TMEM248: variants seen among roughly 807,000 people sequenced by gnomAD.
TMEM248 encodes UPF0458 protein C7orf42.
A neutral mutation model predicts 30.3 loss-of-function variants in TMEM248; 9 were observed. The observed-to-expected ratio is 0.30, with a 90% CI of 0.18 to 0.52. TMEM248 has a LOEUF of 0.52. Ranked by LOEUF, TMEM248 falls within the 20% of genes least tolerant of loss-of-function variation. TMEM248 has a pLI of 0.97. For missense variants in TMEM248, 338 were observed against 403.3 expected, an observed-to-expected ratio of 0.84 and a Z score of 1.39; for synonymous variants, 184 against 154.4, an observed-to-expected ratio of 1.19 and a Z score of -1.42.
At chr7:66,923,148 C>CT (rs375289124) in intron 1 of TMEM248, among the ~76,000 whole-genome samples, 173 of 147,340 alleles carry the variant, frequency 1.2e-3, no homozygotes, top group Admixed American at 2.0e-3. Flanking sequence ...CAGAAACTAA[C>CT]TTTTTTTTTT....
intron 1 of TMEM248, among the ~76,000 whole-genome samples, chr7:66,927,624 GT>G (rs369608291): frequency 1.4e-3 from 174 of 126,252 alleles, no homozygotes; most frequent in Middle Eastern, 8.0e-3. Context: ...TTTGGGTTTT[GT>G]TTTTTTTTTT....
At chr7:66,923,062 A>G (rs1378399797) in intron 1 of TMEM248, among the ~76,000 whole-genome samples, 4 of 152,184 alleles carry the variant, frequency 2.6e-5, no homozygotes, top group African/African-American at 9.6e-5. Flanking sequence ...AGAGGAAGCA[A>G]TAGGCTAGAA....
intron 1 of TMEM248, among the ~76,000 whole-genome samples, chr7:66,931,739 A>C (rs1791671196): frequency 6.6e-6 from 1 of 150,586 alleles, no homozygotes; most frequent in African/African-American, 2.4e-5. Context: ...CAGCCTCCCA[A>C]AGTGCTGGGA....
intron 1 of TMEM248, among the ~76,000 whole-genome samples, chr7:66,934,632 A>G (rs1382933411): frequency 6.6e-6 from 1 of 152,114 alleles, no homozygotes; most frequent in Non-Finnish European, 1.5e-5. Flanking sequence ...TTCTGGTGTG[A>G]TGTGCTTTTA....
At chr7:66,930,862 C>T (rs1194105009) in intron 1 of TMEM248, 1 of 152,644 alleles carries the variant, frequency 6.6e-6, no homozygotes, top group African/African-American at 2.4e-5. Context: ...CTTTCTGCTA[C>T]ATGAAGGTGA....
chr7:66,947,743 TTTTAA>T (rs1237150026), intron 3 of TMEM248, among the ~76,000 whole-genome samples: 6 of 151,818 alleles, frequency 4.0e-5, no homozygotes, highest in African/African-American at 7.2e-5. Flanking sequence ...TAATTTTTTA[TTTTAA>T]TTTAATTTTT....
chr7:66,921,725 G>T (rs954973085), intron 1 of TMEM248: 5 of 152,294 alleles, frequency 3.3e-5, no homozygotes, highest in African/African-American at 1.2e-4. Context: ...GACTTCCCAC[G>T]TCTGGAGCCG....
chr7:66,956,542 A>G lies in TMEM248; in HGVS notation c.*1020A>G, dbSNP rs188999606. On this transcript the variant is annotated 3_prime_UTR_variant, in exon 7 of 7. Coordinates refer to ENST00000341567, the MANE Select transcript of TMEM248 (RefSeq NM_017994.5). ...TTTGTTTTGCTTTTATTTTCATGCT[A>G]CTAACATATCTTCAGAAGGAAATGG... The G allele has an allele frequency of 6.6e-6, 1 of 152,182 alleles. No homozygotes were observed. The highest frequency in any genetic ancestry group is 2.4e-5 in the African/African-American group (1 of 41,422). 9.4% of individuals were successfully genotyped at this position (152,182 alleles called of 1,614,324 possible).
intron 1 of TMEM248, among the ~76,000 whole-genome samples, chr7:66,931,362 A>T (rs1159989973): frequency 6.6e-6 from 1 of 151,774 alleles, no homozygotes; most frequent in East Asian, 1.9e-4. Context: ...TAAAACTTGG[A>T]CAAGTAGCCA....
intron 1 of TMEM248, among the ~76,000 whole-genome samples, chr7:66,934,945 C>T (rs1027760061): frequency 3.3e-5 from 5 of 151,976 alleles, no homozygotes; most frequent in Admixed American, 1.3e-4. Flanking sequence ...ATCTCAGCTA[C>T]TCAGAAGGCT....
intron 1 of TMEM248, among the ~76,000 whole-genome samples, chr7:66,927,603 ATT>A (rs1562936447): frequency 6.8e-6 from 1 of 147,252 alleles, no homozygotes; most frequent in African/African-American, 2.5e-5. Flanking sequence ...TGCCCAGCTA[ATT>A]TTTTTTAATT....
chr7:66,923,621 T>G (rs530081724), intron 1 of TMEM248, among the ~76,000 whole-genome samples: 1 of 152,338 alleles, frequency 6.6e-6, no homozygotes, highest in East Asian at 1.9e-4. Flanking sequence ...GGTTAAATGC[T>G]TTTCTAAGAA....
At position 66,945,137 on chromosome 7, in the gene TMEM248, G is replaced by T. The variant is rs780166698; in HGVS notation, c.321G>T (p.Ser107=). The T allele has an allele frequency of 6.2e-7, 1 of 1,614,174 alleles. No individual in the cohort carries two copies. Among genetic ancestry groups the T allele is most frequent in the South Asian group, 1.1e-5 (1 of 91,088 alleles). The change falls in exon 3 of 7, where the codon TCG becomes TCT. Residue 107 remains serine (S), a synonymous_variant. Transcript: ENST00000341567. Reference sequence around the variant, plus strand: ...AGTCCCCCCAGGCCCTGGAGGACTCGGGCCCGGTGAATATCTCAGTCTCAA... The same window carrying T: ...AGTCCCCCCAGGCCCTGGAGGACTCTGGCCCGGTGAATATCTCAGTCTCAA... ...STQSPQALED[S]GPVNISVSIT... is the part of the protein sequence containing the mutation.
Position 66,936,978 on chromosome 7 carries a change from GT to G in TMEM248, c.-18-4865del, listed in dbSNP as rs1467223862. On this transcript the variant is annotated intron_variant, in intron 1 of 6. Coordinates refer to ENST00000341567, the MANE Select transcript of TMEM248 (RefSeq NM_017994.5). ...CTAATTTTGTGTTTGGTTTGCTCTT[GT>G]TTTTCTAATTCTTTAAGATGCATTG... Among the ~76,000 whole-genome samples the G allele has an allele frequency of 3.3e-5, 5 of 151,982 alleles. No homozygotes were observed. The East Asian group carries it at 7.7e-4, about 23-fold the overall frequency.
chr7:66,935,525 A>G (rs1791778233), intron 1 of TMEM248, among the ~76,000 whole-genome samples: 1 of 151,726 alleles, frequency 6.6e-6, no homozygotes, highest in Admixed American at 6.6e-5. Context: ...ACCTAATGCA[A>G]TGCAAGTACT....
chr7:66,944,832 C>T (rs974248169), intron 2 of TMEM248, 144 bp from the exon 3 acceptor site: 10 of 815,502 alleles, frequency 1.2e-5, no homozygotes, highest in South Asian at 1.8e-5. Flanking sequence ...GGGTGGTGGC[C>T]GAGTTGTCAT....
intron 1 of TMEM248, among the ~76,000 whole-genome samples, chr7:66,937,803 C>T (rs1479530904): frequency 6.6e-6 from 1 of 152,114 alleles, no homozygotes; most frequent in Non-Finnish European, 1.5e-5. Flanking sequence ...CTCTGCCTCC[C>T]AGGTTCAAGT....
At chr7:66,943,644 C>T (rs1792020219) in intron 2 of TMEM248, among the ~76,000 whole-genome samples, 1 of 152,076 alleles carries the variant, frequency 6.6e-6, no homozygotes, top group South Asian at 2.1e-4. Context: ...TCATTTTCAA[C>T]CCTAATGTAC....
intron 5 of TMEM248, among the ~76,000 whole-genome samples, chr7:66,953,006 G>T (rs972631202): frequency 2.6e-5 from 4 of 152,168 alleles, no homozygotes; most frequent in Non-Finnish European, 5.9e-5. Flanking sequence ...CTAGGAAGGC[G>T]TGGTGCTCTC....
Sources: allele counts gnomAD v4.1 joint callset (sites outside exome capture counted in the v4.1 genomes callset), GRCh38; gene constraint gnomAD v4.1.1; transcripts MANE v1.5; gene names NCBI Gene and HGNC (gene_info 2026-07-23, HGNC 2026-07-21).